Variants in FARS2 observed in about 807,000 individuals in gnomAD.
FARS2 encodes phenylalanyl-tRNA synthetase 2, mitochondrial, also known as phenylalanine--tRNA ligase, mitochondrial.
FARS2 carries 40 observed loss-of-function variants against 46.4 expected under a neutral mutation model. The observed-to-expected ratio is 0.86, with a 90% confidence interval of 0.67 to 1.12. The LOEUF (loss-of-function observed/expected upper bound fraction) is 1.12. FARS2 is among the 50% of genes most tolerant of loss of function. The pLI, the probability that FARS2 is intolerant of heterozygous loss-of-function variation, is 0.00. For missense variants in FARS2, 513 were observed against 567.9 expected (o/e 0.90, Z 0.98); for synonymous variants, 234 against 214.9 (o/e 1.09, Z -0.78).
chr6:5,609,438 C>T (rs1775046982), intron 5 of FARS2: 3 of 1,200,538 alleles, frequency 2.5e-6, no homozygotes, highest in Middle Eastern at 5.4e-4. Flanking sequence ...AAAATAGCTT[C>T]CATCATTACC....
intron 5 of FARS2, among the ~76,000 whole-genome samples, chr6:5,612,430 T>C (rs1388009685): frequency 2.6e-5 from 4 of 152,212 alleles, no homozygotes; most frequent in Non-Finnish European, 4.4e-5. Flanking sequence ...CATATATCTA[T>C]GTATAATTTT....
At chr6:5,415,473 C>T (rs980750040) in intron 3 of FARS2, among the ~76,000 whole-genome samples, 6 of 151,184 alleles carry the variant, frequency 4.0e-5, no homozygotes, top group East Asian at 2.0e-4. Context: ...CACGCCACCA[C>T]GCCTAGGTAA....
At chr6:5,361,591 G>C (rs191810773) in intron 1 of FARS2, among the ~76,000 whole-genome samples, 9 of 152,326 alleles carry the variant, frequency 5.9e-5, no homozygotes, top group Admixed American at 3.3e-4. Flanking sequence ...AGGAGCAAAA[G>C]CATTCTCTTG....
At chr6:5,303,074 C>T (rs1030254753) in intron 1 of FARS2, among the ~76,000 whole-genome samples, 1 of 152,020 alleles carries the variant, frequency 6.6e-6, no homozygotes, top group Non-Finnish European at 1.5e-5. Flanking sequence ...AGAAGGAAAC[C>T]GAAGTTCAAG....
chr6:5,388,173 A>G lies in FARS2; in HGVS notation c.613-16369A>G, dbSNP rs529399716. Reference sequence around the variant, plus strand: ...TGCTTCAGAAACCTGAGATGAACCAATAATTTGAAGCATCCCCTTTCTTGT... The same window carrying G: ...TGCTTCAGAAACCTGAGATGAACCAGTAATTTGAAGCATCCCCTTTCTTGT... On this transcript the variant is annotated intron_variant, in intron 2 of 6. Transcript: ENST00000274680. Among the ~76,000 whole-genome samples, 90 of 152,288 alleles carry G rather than the reference A, an allele frequency of 5.9e-4. 1 individual carries two copies. In the South Asian group the frequency reaches 0.018, roughly 31 times the overall value.
intron 6 of FARS2, among the ~76,000 whole-genome samples, chr6:5,692,134 C>T (rs1044988440): frequency 6.6e-6 from 1 of 152,230 alleles, no homozygotes; most frequent in Non-Finnish European, 1.5e-5. Flanking sequence ...CCTTGTGCTT[C>T]CCGGGTGAGG....
At chr6:5,610,228 T>C (rs1582577044) in intron 5 of FARS2, 1 of 545,202 alleles carries the variant, frequency 1.8e-6, no homozygotes, top group East Asian at 2.8e-5. Flanking sequence ...ACTTTAATGA[T>C]GTTTTTTCAG....
At chr6:5,578,044 G>A (rs766890069) in intron 5 of FARS2, among the ~76,000 whole-genome samples, 4 of 152,068 alleles carry the variant, frequency 2.6e-5, no homozygotes, top group Non-Finnish European at 5.9e-5. Flanking sequence ...CTCGTGATCC[G>A]CCCATCTCGG....
rs1554150340 is a variant in FARS2 at position 5,267,159 on chromosome 6, T to TTA, written c.-22+5499_-22+5500insTA. On this transcript the variant is annotated intron_variant, in intron 1 of 6. Transcript: ENST00000274680. ...AGTTATTTCTAGAGGTTTTTTTTCT[T>TTA]AAAAAAAAAAAACTCATTAATTCTT... is the stretch of plus-strand genomic sequence containing the variant. Among the ~76,000 whole-genome samples the TTA allele has an allele frequency of 3.4e-5, 5 of 147,228 alleles. No individual in the cohort carries two copies. In the East Asian group the frequency reaches 1.0e-3, roughly 29 times the overall value.
rs1168984519 is a variant in FARS2, at chr6:5,741,233, G to T, written c.1218-30058G>T. ...AGTAAGATTCACATTTTTAGCTTTT[G>T]TTCTTCCAGCTGACTCTGTATACTG... On this transcript the variant is annotated intron_variant, in intron 6 of 6. Coordinates refer to ENST00000274680, the MANE Select transcript of FARS2 (RefSeq NM_006567.5). 2.0e-5 allele frequency among the ~76,000 whole-genome samples: 3 copies of T among 152,198 alleles called. No individual in the cohort carries two copies. In the East Asian group the frequency reaches 5.8e-4, roughly 29 times the overall value.
At chr6:5,736,454 G>T (rs578131975) in intron 6 of FARS2, among the ~76,000 whole-genome samples, 2 of 151,536 alleles carry the variant, frequency 1.3e-5, no homozygotes, top group African/African-American at 4.9e-5. Flanking sequence ...TGTCTCTGGA[G>T]AGCTGAGAGA....
chr6:5,285,523 G>A lies in FARS2; in HGVS notation c.-22+23863G>A, dbSNP rs528744081. 8.5e-5 allele frequency among the ~76,000 whole-genome samples: 13 copies of A among 152,306 alleles called. No homozygotes were observed. The South Asian group carries it at 2.7e-3, about 32-fold the overall frequency. ...ACTCGTAAAGCGTGTAGGAGGACAC[G>A]GAGGACCATGGGGGACTCATCTTTG... On this transcript the variant is annotated intron_variant, in intron 1 of 6. Transcript: ENST00000274680.
intron 5 of FARS2, among the ~76,000 whole-genome samples, chr6:5,603,831 A>T (rs1004542957): frequency 1.3e-5 from 2 of 152,190 alleles, no homozygotes; most frequent in Middle Eastern, 3.2e-3. Flanking sequence ...TAGGACTCCC[A>T]CATTATCTTT....
Position 5,468,354 on chromosome 6 carries a change from A to T in FARS2, c.904+37182A>T, listed in dbSNP as rs563201753. Among the ~76,000 whole-genome samples the T allele has an allele frequency of 8.5e-5, 12 of 140,672 alleles. 1 individual carries two copies. Among genetic ancestry groups the T allele is most frequent in the African/African-American group, 2.6e-4 (10 of 37,970 alleles). The allele number at this position is 140,672 out of a possible 152,430, so 92.3% of individuals were successfully genotyped here. A position where few individuals can be genotyped will look rare whatever the true frequency, so the allele number is the denominator to read the frequency against. On this transcript the variant is annotated intron_variant, in intron 4 of 6. Coordinates refer to ENST00000274680, the MANE Select transcript of FARS2 (RefSeq NM_006567.5). ...ATTTTTTCCCTTGGCTGGTAAAAGT[A>T]AAAAAAAAAAAAAGAAAGAAAAAAA...
At chr6:5,258,500 A>AT (rs1764786277), upstream of FARS2, among the ~76,000 whole-genome samples, 1 of 152,230 alleles carries the variant, frequency 6.6e-6, no homozygotes, top group African/African-American at 2.4e-5. Context: ...TTGATAGTGG[A>AT]TGTTGTGTTG....
At chr6:5,417,027 C>G (rs1233141593) in intron 3 of FARS2, among the ~76,000 whole-genome samples, 1 of 152,170 alleles carries the variant, frequency 6.6e-6, no homozygotes, top group Non-Finnish European at 1.5e-5. Context: ...TTTATATCTC[C>G]TAGGTCCTTA....
chr6:5,394,775 T>TAA (rs1562008816), intron 2 of FARS2, among the ~76,000 whole-genome samples: 1 of 151,486 alleles, frequency 6.6e-6, no homozygotes, highest in South Asian at 2.1e-4. Flanking sequence ...GTGTTTTTTT[T>TAA]TAAAAAAAAA....
At chr6:5,426,218 A>G (rs529193117) in intron 3 of FARS2, among the ~76,000 whole-genome samples, 11 of 152,344 alleles carry the variant, frequency 7.2e-5, no homozygotes, top group African/African-American at 2.6e-4. Context: ...CACTAGATAT[A>G]TAGTTCATAT....
intron 6 of FARS2, among the ~76,000 whole-genome samples, chr6:5,658,509 A>G (rs1199915031): frequency 1.3e-5 from 2 of 152,238 alleles, no homozygotes; most frequent in Non-Finnish European, 2.9e-5. Flanking sequence ...TGTGCACTCT[A>G]ATATACACAA....
Sources: allele counts gnomAD v4.1 joint callset (sites outside exome capture counted in the v4.1 genomes callset), GRCh38; gene constraint gnomAD v4.1.1; transcripts MANE v1.5; gene names NCBI Gene and HGNC (gene_info 2026-07-23, HGNC 2026-07-21).